PEDS1: variants seen among roughly 807,000 people sequenced by gnomAD.
The protein encoded by PEDS1 is CarF homolog.
A neutral mutation model predicts 35.2 loss-of-function variants in PEDS1; 14 were observed. The observed-to-expected ratio is 0.40, with a 90% CI of 0.26 to 0.62. The LOEUF is 0.62. Among genes scored for constraint, PEDS1 ranks in the 20% least tolerant of loss-of-function variants. PEDS1 has a pLI of 0.44. For synonymous variants in PEDS1, 152 were observed against 152.0 expected (o/e 1.00, Z 0.00); for missense variants, 260 against 367.8 (o/e 0.71, Z 2.40).
chr20:50,137,638 C>T (rs1001278243), intron 2 of PEDS1, among the ~76,000 whole-genome samples: 5 of 152,100 alleles, frequency 3.3e-5, no homozygotes, highest in South Asian at 4.1e-4. Context: ...TTTAGAAGGC[C>T]GAGGAGGGTG....
intron 2 of PEDS1, among the ~76,000 whole-genome samples, chr20:50,142,682 G>GCC (rs3091914): frequency 1.1e-3 from 38 of 33,924 alleles, no homozygotes; most frequent in South Asian, 5.5e-3. Flanking sequence ...CAAGTCATCC[G>GCC]CCCCCCCCCC....
Position 50,124,761 on chromosome 20 carries a change from G to A in PEDS1, c.*297C>T, listed in dbSNP as rs2081081248. The A allele has an allele frequency of 6.5e-6, 2 of 308,658 alleles. No homozygotes were observed. Among genetic ancestry groups the A allele is most frequent in the Non-Finnish European group, 1.3e-5 (2 of 159,064 alleles). 19.1% of individuals were successfully genotyped at this position (308,658 alleles called of 1,614,324 possible). A position where few individuals can be genotyped will look rare whatever the true frequency, so the allele number is the denominator to read the frequency against. On this transcript the variant is annotated 3_prime_UTR_variant, in exon 6 of 6. Transcript: ENST00000371652. ...AAGGGCTGCCCAGCGGGGCAGGGAC[G>A]GCAGGCGTGCAGGGAGTGGGTAAAC...
chr20:50,133,399 A>C (rs2081199742), intron 2 of PEDS1, among the ~76,000 whole-genome samples: 2 of 152,172 alleles, frequency 1.3e-5, no homozygotes, highest in Admixed American at 6.5e-5. Context: ...CTCCTGGCAC[A>C]CAGACGCCTA....
In PEDS1 at chr20:50,153,669, G is replaced by C. The variant is rs1386536821; in HGVS notation, c.-32C>G. The C allele has an allele frequency of 8.2e-7, 1 of 1,214,876 alleles. No individual in the cohort carries two copies. Among genetic ancestry groups the C allele is most frequent in the African/African-American group, 1.6e-5 (1 of 63,478 alleles). 75.3% of individuals were successfully genotyped at this position (1,214,876 alleles called of 1,614,324 possible). On this transcript the variant is annotated 5_prime_UTR_variant, in exon 1 of 6. Transcript: ENST00000371652. ...TCGCCCGATCGGCCCGGTGCGCTCT[G>C]CTGGCGGCGGCGGCGGCAGGGCCGC...
chr20:50,152,759 T>C (rs1181255341), intron 1 of PEDS1, among the ~76,000 whole-genome samples: 1 of 150,390 alleles, frequency 6.6e-6, no homozygotes, highest in Non-Finnish European at 1.5e-5. Context: ...GAGCTAGAGT[T>C]GGGGCTTATG....
At position 50,119,657 on chromosome 20, in the gene PEDS1, G is replaced by T. The variant is rs1030028990; in HGVS notation, c.*5401C>A. The T allele has an allele frequency of 6.6e-6, 1 of 152,210 alleles. No individual in the cohort carries two copies. The highest frequency in any genetic ancestry group is 2.4e-5 in the African/African-American group (1 of 41,442). The allele number at this position is 152,210 out of a possible 1,614,324, so 9.4% of individuals were successfully genotyped here. On this transcript the variant is annotated 3_prime_UTR_variant, in exon 6 of 6. Transcript: ENST00000371652. ...CCTCTGCCTACATAAGGCATTGCAA[G>T]TGTCTTGTCAAAATGATGGCCTCTA... is the stretch of plus-strand genomic sequence containing the variant.
intron 2 of PEDS1, among the ~76,000 whole-genome samples, chr20:50,142,170 G>C (rs73278551): frequency 2.4e-3 from 365 of 152,322 alleles, no homozygotes; most frequent in African/African-American, 8.3e-3. Context: ...CAACCTTAGC[G>C]TAAGAAGTGA....
In PEDS1 at chr20:50,124,665, G is replaced by GCTCCCCAGACCACTGGGGC. The variant is rs2081080229; in HGVS notation, c.*374_*392dup. On this transcript the variant is annotated 3_prime_UTR_variant, in exon 6 of 6. Transcript: ENST00000371652. ...CCACGACGCTTAGGTGTGCCTGGGG[G>GCTCCCCAGACCACTGGGGC]CTCCCCAGACCACTGGGGCCAGACA... 5.2e-6 allele frequency: 1 copy of GCTCCCCAGACCACTGGGGC among 193,116 alleles called. No individual in the cohort carries two copies. The highest frequency in any genetic ancestry group is 2.3e-5 in the African/African-American group (1 of 43,200). The allele number at this position is 193,116 out of a possible 1,614,324, so 12.0% of individuals were successfully genotyped here. A position where few individuals can be genotyped will look rare whatever the true frequency, so the allele number is the denominator to read the frequency against.
chr20:50,126,657 G>C (rs1206883279), intron 5 of PEDS1, among the ~76,000 whole-genome samples: 1 of 152,182 alleles, frequency 6.6e-6, no homozygotes, highest in Non-Finnish European at 1.5e-5. Flanking sequence ...GTTGCCTAAA[G>C]GCACATGTGG....
At position 50,137,003 on chromosome 20, in the gene PEDS1, C is replaced by T. The variant is rs111947901; in HGVS notation, c.242-6056G>A. Among the ~76,000 whole-genome samples the T allele has an allele frequency of 4.7e-3, 715 of 152,132 alleles. 3 individuals carry two copies. The highest frequency in any genetic ancestry group is 8.1e-3 in the Admixed American group (124 of 15,278). ...TCGTGATCGAGTCACTGCACTCCAG[C>T]CTGGGTGACAGAGGAAGACTTCATC... On this transcript the variant is annotated intron_variant, in intron 2 of 5. Coordinates refer to ENST00000371652, the MANE Select transcript of PEDS1 (RefSeq NM_199129.4).
intron 5 of PEDS1, among the ~76,000 whole-genome samples, chr20:50,126,179 G>C (rs903604259): frequency 6.6e-6 from 1 of 152,186 alleles, no homozygotes; most frequent in African/African-American, 2.4e-5. Flanking sequence ...CTGATCCTCA[G>C]TGCTTAGAAT....
In PEDS1 at chr20:50,120,500, A is replaced by G. The variant is rs1040503052; in HGVS notation, c.*4558T>C. 6.7e-6 allele frequency: 1 copy of G among 148,538 alleles called. No homozygotes were observed. Among genetic ancestry groups the G allele is most frequent in the Non-Finnish European group, 1.5e-5 (1 of 67,202 alleles). 9.2% of individuals were successfully genotyped at this position (148,538 alleles called of 1,614,324 possible). On this transcript the variant is annotated 3_prime_UTR_variant, in exon 6 of 6. Transcript: ENST00000371652. ...TATTGCTATATATATATATATACCC[A>G]TATATATATGTGGGTAGCTTGAAAA...
At position 50,129,761 on chromosome 20, in the gene PEDS1, C is replaced by T. The variant is rs2081154650; in HGVS notation, c.334-71G>A. 6.3e-7 allele frequency: 1 copy of T among 1,582,306 alleles called. No individual in the cohort carries two copies. Among genetic ancestry groups the T allele is most frequent in the Non-Finnish European group, 8.6e-7 (1 of 1,164,328 alleles). ...CAGCTGCTCTCCACAGCCCCCTAAACACATTCACCCTGGGCTCACCTCCCG... is the reference window on the plus strand; with the variant it reads ...CAGCTGCTCTCCACAGCCCCCTAAATACATTCACCCTGGGCTCACCTCCCG... On this transcript the variant is annotated intron_variant, in intron 3 of 5. Coordinates refer to ENST00000371652, the MANE Select transcript of PEDS1 (RefSeq NM_199129.4). The surrounding 1 kb of genome is among the most constrained non-coding windows in gnomAD (Gnocchi z 4.2).
chr20:50,147,641 C>T (rs990103929), intron 1 of PEDS1, among the ~76,000 whole-genome samples: 10 of 152,192 alleles, frequency 6.6e-5, no homozygotes, highest in African/African-American at 2.2e-4. Flanking sequence ...GCTCTCTCCC[C>T]ACGCCATGGA....
Position 50,121,128 on chromosome 20 carries a change from C to T in PEDS1, c.*3930G>A, listed in dbSNP as rs1394917523. 1.3e-5 allele frequency: 2 copies of T among 152,274 alleles called. No individual in the cohort carries two copies. The highest frequency in any genetic ancestry group is 1.5e-5 in the Non-Finnish European group (1 of 68,048). The allele number at this position is 152,274 out of a possible 1,614,324, so 9.4% of individuals were successfully genotyped here. On this transcript the variant is annotated 3_prime_UTR_variant, in exon 6 of 6. Coordinates refer to ENST00000371652, the MANE Select transcript of PEDS1 (RefSeq NM_199129.4). ...TGTTTTGCCCACAGTACGTTTTAAA[C>T]ACGGAGCCAGCATTTTTAAAGTTTA...
intron 5 of PEDS1, among the ~76,000 whole-genome samples, chr20:50,125,832 C>T (rs2081097098): frequency 6.6e-6 from 1 of 152,152 alleles, no homozygotes. Flanking sequence ...ACCTCGTGAT[C>T]CACCCGCCTC....
intron 5 of PEDS1, among the ~76,000 whole-genome samples, chr20:50,125,565 T>C (rs111905772): frequency 6.6e-6 from 1 of 150,970 alleles, no homozygotes; most frequent in African/African-American, 2.5e-5. Context: ...TCTATCTATC[T>C]ATCTATCTAT....
intron 2 of PEDS1, among the ~76,000 whole-genome samples, chr20:50,132,470 C>G (rs2081190237): frequency 6.6e-6 from 1 of 152,182 alleles, no homozygotes. Flanking sequence ...GTTCCCTCTG[C>G]CTGGAACATT....
At chr20:50,145,071 G>A (rs192278327) in intron 1 of PEDS1, among the ~76,000 whole-genome samples, 2 of 151,596 alleles carry the variant, frequency 1.3e-5, no homozygotes. Context: ...GGCATGTGGC[G>A]GGTACCTGTA....
Sources: allele counts gnomAD v4.1 joint callset (sites outside exome capture counted in the v4.1 genomes callset), GRCh38; gene constraint gnomAD v4.1.1; non-coding constraint Gnocchi (gnomAD v3.1); transcripts MANE v1.5; gene names NCBI Gene and HGNC (gene_info 2026-07-23, HGNC 2026-07-21).